HIBADH: variants seen among roughly 807,000 people sequenced by gnomAD.
The protein encoded by HIBADH is 3-hydroxyisobutyrate dehydrogenase.
In HIBADH, 25 loss-of-function variants were observed where a neutral mutation model predicts 36.1. That is an observed-to-expected ratio of 0.69 (90% CI 0.50 to 0.97). The LOEUF (loss-of-function observed/expected upper bound fraction) is 0.97. Among genes scored for constraint, HIBADH ranks in the 50% least tolerant of loss-of-function variants. HIBADH has a pLI of 0.00. For synonymous variants in HIBADH, 160 were observed against 149.5 expected, an observed-to-expected ratio of 1.07 and a Z score of -0.51; for missense variants, 421 against 418.0, an observed-to-expected ratio of 1.01 and a Z score of -0.06.
At chr7:27,545,594 G>A (rs1784226489) in intron 4 of HIBADH, among the ~76,000 whole-genome samples, 1 of 152,138 alleles carries the variant, frequency 6.6e-6, no homozygotes, top group Non-Finnish European at 1.5e-5. Flanking sequence ...CAAAAATGAA[G>A]AAATTTATTA....
intron 4 of HIBADH, among the ~76,000 whole-genome samples, chr7:27,588,227 T>C (rs1432855153): frequency 6.6e-6 from 1 of 152,220 alleles, no homozygotes; most frequent in African/African-American, 2.4e-5. Flanking sequence ...TTGTTGGTTT[T>C]TTTGGTTTGC....
At chr7:27,656,585 A>G (rs1414222857) in intron 1 of HIBADH, among the ~76,000 whole-genome samples, 1 of 152,208 alleles carries the variant, frequency 6.6e-6, no homozygotes, top group Non-Finnish European at 1.5e-5. Context: ...AAAATGATAC[A>G]TATGCATTAA....
intron 4 of HIBADH, among the ~76,000 whole-genome samples, chr7:27,576,228 A>C (rs946302630): frequency 5.3e-5 from 8 of 152,240 alleles, no homozygotes; most frequent in African/African-American, 1.7e-4. Flanking sequence ...TGTTATTTAG[A>C]GTAAAACTTT....
In HIBADH at chr7:27,632,389, C is replaced by T; in HGVS notation, c.309G>A (p.Leu103=). 6.2e-7 allele frequency: 1 copy of T among 1,613,500 alleles called. No homozygotes were observed. Among genetic ancestry groups the T allele is most frequent in the Non-Finnish European group, 8.5e-7 (1 of 1,179,660 alleles). ...AEKADRIITM[L]PTSINAIEAY... ...CTTCTATTGCATTGATACTGGTGGG[C>T]AGCATTGTAATAATTCTGTCAGCTT... Residue 103 remains leucine (L), a synonymous_variant, in exon 3 of 8, where the codon CTG becomes CTA. Coordinates refer to ENST00000265395, the MANE Select transcript of HIBADH (RefSeq NM_152740.4).
At chr7:27,662,627 C>G (rs553516153) in intron 1 of HIBADH, 71 bp downstream of exon 1, 1 of 1,012,806 alleles carries the variant, frequency 9.9e-7, no homozygotes, top group East Asian at 3.3e-5. Context: ...GAAAAGACTT[C>G]TTCGGCCGTC....
chr7:27,530,472 G>A (rs1186876454), intron 7 of HIBADH, among the ~76,000 whole-genome samples: 1 of 152,110 alleles, frequency 6.6e-6, no homozygotes, highest in African/African-American at 2.4e-5. Flanking sequence ...CTCCCAAAAT[G>A]CTGGGATTAA....
At chr7:27,652,455 G>A (rs1329794088) in intron 1 of HIBADH, among the ~76,000 whole-genome samples, 1 of 152,236 alleles carries the variant, frequency 6.6e-6, no homozygotes, top group Admixed American at 6.5e-5. Context: ...TGAGGCAGCA[G>A]TGTACAATGA....
intron 4 of HIBADH, among the ~76,000 whole-genome samples, chr7:27,607,298 A>G (rs1351967320): frequency 2.0e-5 from 3 of 152,184 alleles, no homozygotes; most frequent in Non-Finnish European, 4.4e-5. Flanking sequence ...ACCTGAGGTC[A>G]GGAGTTCGAG....
intron 6 of HIBADH, among the ~76,000 whole-genome samples, chr7:27,536,440 A>G (rs1357186880): frequency 2.6e-5 from 4 of 152,076 alleles, no homozygotes; most frequent in African/African-American, 9.7e-5. Flanking sequence ...AGAAAAATGA[A>G]AGATTTAAAA....
intron 4 of HIBADH, among the ~76,000 whole-genome samples, chr7:27,577,541 T>G (rs1486921516): frequency 6.6e-6 from 1 of 152,232 alleles, no homozygotes; most frequent in Non-Finnish European, 1.5e-5. Context: ...TATGTTAAAT[T>G]TAAACCCAAT....
intron 4 of HIBADH, among the ~76,000 whole-genome samples, chr7:27,618,516 C>A (rs1321016742): frequency 1.3e-5 from 2 of 152,172 alleles, no homozygotes; most frequent in African/African-American, 2.4e-5. Context: ...CTCCAGCTGA[C>A]CAGTGACATA....
chr7:27,635,286 T>C (rs1785820016), intron 2 of HIBADH, among the ~76,000 whole-genome samples: 1 of 152,196 alleles, frequency 6.6e-6, no homozygotes, highest in South Asian at 2.1e-4. Context: ...ACCAACCTTG[T>C]TGCCAGTCTG....
Position 27,572,136 on chromosome 7 carries a change from G to A in HIBADH, c.485-29036C>T, listed in dbSNP as rs539204406. 7.2e-5 allele frequency among the ~76,000 whole-genome samples: 11 copies of A among 152,224 alleles called. No homozygotes were observed. The South Asian group carries it at 8.3e-4, about 11-fold the overall frequency. ...GATTGTTTTACTCACAAATGTTAAC[G>A]TCCAGAGCCCCTGTTTTCTGGAATC... On this transcript the variant is annotated intron_variant, in intron 4 of 7. Transcript: ENST00000265395.
intron 4 of HIBADH, among the ~76,000 whole-genome samples, chr7:27,618,340 T>C (rs7807597): frequency 3.9e-5 from 6 of 152,272 alleles, no homozygotes; most frequent in East Asian, 1.9e-4. Context: ...CATGGCAGCA[T>C]TGCTGCTATA....
chr7:27,635,381 C>G (rs1204505660), intron 2 of HIBADH, among the ~76,000 whole-genome samples: 1 of 152,156 alleles, frequency 6.6e-6, no homozygotes, highest in Non-Finnish European at 1.5e-5. Context: ...GCAAAGACAG[C>G]ATGGATCAGT....
intron 4 of HIBADH, among the ~76,000 whole-genome samples, chr7:27,562,877 C>A (rs1260826386): frequency 6.6e-6 from 1 of 152,128 alleles, no homozygotes; most frequent in Non-Finnish European, 1.5e-5. Context: ...TCTTTGTTTA[C>A]TGAAAATGTC....
At chr7:27,627,723 A>C (rs1785672894) in intron 4 of HIBADH, among the ~76,000 whole-genome samples, 1 of 152,212 alleles carries the variant, frequency 6.6e-6, no homozygotes, top group Non-Finnish European at 1.5e-5. Context: ...TAACCTCATA[A>C]TGATCATGTG....
chr7:27,589,941 C>G (rs1784917026), intron 4 of HIBADH, among the ~76,000 whole-genome samples: 2 of 152,096 alleles, frequency 1.3e-5, no homozygotes. Flanking sequence ...GTTTTGTGAA[C>G]CAGAGTAAGA....
At chr7:27,660,386 G>A (rs962480429) in intron 1 of HIBADH, among the ~76,000 whole-genome samples, 1 of 152,188 alleles carries the variant, frequency 6.6e-6, no homozygotes, top group Non-Finnish European at 1.5e-5. Context: ...AAGAAAGGCC[G>A]GGCACAGTGG....
Sources: allele counts gnomAD v4.1 joint callset (sites outside exome capture counted in the v4.1 genomes callset), GRCh38; gene constraint gnomAD v4.1.1; transcripts MANE v1.5; gene names NCBI Gene and HGNC (gene_info 2026-07-23, HGNC 2026-07-21).